The following CARS1 variants were observed in gnomAD, a reference collection of about 807,000 sequenced individuals.
CARS1 encodes the protein cysteinyl-tRNA synthetase 1.
CARS1 carries 48 observed loss-of-function variants against 106.2 expected under a neutral mutation model. That is an observed-to-expected ratio of 0.45 (90% CI 0.36 to 0.57). CARS1 has a LOEUF of 0.57. Among genes scored for constraint, CARS1 ranks in the 20% least tolerant of loss-of-function variants. The pLI is 0.00. For synonymous variants in CARS1, 409 were observed against 403.4 expected, an observed-to-expected ratio of 1.01 and a Z score of -0.17; for missense variants, 968 against 1,057.2, an observed-to-expected ratio of 0.92 and a Z score of 1.17.
At position 3,018,434 on chromosome 11, in the gene CARS1, C is replaced by G; in HGVS notation, c.1603G>C (p.Ala535Pro). 1.2e-6 allele frequency: 2 copies of G among 1,613,816 alleles called. No homozygotes were observed. The highest frequency in any genetic ancestry group is 1.1e-5 in the South Asian group (1 of 91,080). The change falls in exon 14 of 23, where the codon GCG becomes CCG. Residue 535 changes from alanine to proline, a missense_variant. Coordinates refer to ENST00000380525, the MANE Select transcript of CARS1 (RefSeq NM_001014437.3). ...LDYSSNTMESALQYEKFLNEF... is the reference protein window; with the variant it reads ...LDYSSNTMESPLQYEKFLNEF... ...TTCAAGAACTTCTCATATTGAAGCG[C>G]TGACTCCATGGTGTTGCTGGAGTAG...
chr11:3,032,606 T>G (rs976694802), intron 7 of CARS1, among the ~76,000 whole-genome samples: 1 of 152,020 alleles, frequency 6.6e-6, no homozygotes, highest in East Asian at 1.9e-4. Flanking sequence ...TGCATTTTGG[T>G]GATCAGAGGT....
At chr11:3,016,766 C>A (rs963732768) in intron 16 of CARS1, among the ~76,000 whole-genome samples, 2 of 152,088 alleles carry the variant, frequency 1.3e-5, no homozygotes, top group Admixed American at 6.6e-5. Flanking sequence ...GTGTGTGCCA[C>A]CACACCTGGC....
chr11:3,007,070 C>T (rs1565017154), intron 18 of CARS1, 111 bp from the exon 19 acceptor site: 1 of 893,024 alleles, frequency 1.1e-6, no homozygotes, highest in Non-Finnish European at 1.8e-6. Flanking sequence ...GAACAAGTGC[C>T]TCCTCCAGTG....
rs1298083528 is a variant in CARS1, at chr11:3,045,682, G to A, written c.274+2071C>T. 1.3e-5 allele frequency among the ~76,000 whole-genome samples: 2 copies of A among 152,218 alleles called. No homozygotes were observed. Among genetic ancestry groups the A allele is most frequent in the Non-Finnish European group, 2.9e-5 (2 of 68,042 alleles). On this transcript the variant is annotated intron_variant, in intron 2 of 22. Transcript: ENST00000380525. The surrounding 1 kb of genome is among the most constrained non-coding windows in gnomAD (Gnocchi z 5.6). ...GACACAGGCACATCTGATGCTGCTG[G>A]GATGTCCAACAGAGGTGGAAGGGCG...
intron 18 of CARS1, chr11:3,007,260 C>A: frequency 2.3e-6 from 1 of 432,048 alleles, no homozygotes; most frequent in Non-Finnish European, 4.1e-6. Context: ...CCGCCGGAAG[C>A]AGTTCTTCCA....
rs1855294520 is a variant in CARS1, at chr11:3,048,068, AG to A, written c.26-68del. ...GCAGCCCAGAGGCCGCCAGAAAGAC[AG>A]GGACTAGGGGATGGCACAGAACCAA... On this transcript the variant is annotated intron_variant, in intron 1 of 22. Coordinates refer to ENST00000380525, the MANE Select transcript of CARS1 (RefSeq NM_001014437.3). This position sits in a 1 kb window ranked among gnomAD's most constrained non-coding sequence, Gnocchi z 5.1. The A allele has an allele frequency of 6.4e-7, 1 of 1,573,124 alleles. No individual in the cohort carries two copies. Among genetic ancestry groups the A allele is most frequent in the Non-Finnish European group, 8.7e-7 (1 of 1,155,568 alleles).
At position 3,030,243 on chromosome 11, in the gene CARS1, A is replaced by T. The variant is rs1323664488; in HGVS notation, c.802-800T>A. 1 of 152,304 alleles carries T rather than the reference A, an allele frequency of 6.6e-6. No individual in the cohort carries two copies. Among genetic ancestry groups the T allele is most frequent in the Non-Finnish European group, 1.5e-5 (1 of 68,134 alleles). 9.4% of individuals were successfully genotyped at this position (152,304 alleles called of 1,614,324 possible). ...AGTGTAGGAAAATGGCCTGGCAGAC[A>T]GCAAGGACACAGGGTGGACAAAGCC... is the stretch of plus-strand genomic sequence containing the variant. On this transcript the variant is annotated intron_variant, in intron 7 of 22. Coordinates refer to ENST00000380525, the MANE Select transcript of CARS1 (RefSeq NM_001014437.3). The surrounding 1 kb of genome is among the most constrained non-coding windows in gnomAD (Gnocchi z 5.7).
In CARS1 at chr11:3,022,042, A is replaced by G. The variant is rs1185043625; in HGVS notation, c.1154-1710T>C. 6.6e-6 allele frequency among the ~76,000 whole-genome samples: 1 copy of G among 152,184 alleles called. No homozygotes were observed. Among genetic ancestry groups the G allele is most frequent in the Non-Finnish European group, 1.5e-5 (1 of 68,028 alleles). On this transcript the variant is annotated intron_variant, in intron 10 of 22. Transcript: ENST00000380525. The surrounding 1 kb of genome is among the most constrained non-coding windows in gnomAD (Gnocchi z 4.9). ...TATCCTTCAGCAAACATCACACTGC[A>G]ACTGCCCTCATAGGGTTAATGAGAA...
rs1028319169 is a variant in CARS1, at chr11:3,030,870, C to T, written c.802-1427G>A. 6.6e-6 allele frequency: 1 copy of T among 152,198 alleles called. No individual in the cohort carries two copies. The allele number at this position is 152,198 out of a possible 1,614,324, so 9.4% of individuals were successfully genotyped here. A position where few individuals can be genotyped will look rare whatever the true frequency, so the allele number is the denominator to read the frequency against. Reference sequence around the variant, plus strand: ...TATTAACAGGCGAAACAGTCTTATCCATCCTACTGAGTGACTGTTTCACTT... The same window carrying T: ...TATTAACAGGCGAAACAGTCTTATCTATCCTACTGAGTGACTGTTTCACTT... On this transcript the variant is annotated intron_variant, in intron 7 of 22. Transcript: ENST00000380525. The surrounding 1 kb of genome is among the most constrained non-coding windows in gnomAD (Gnocchi z 5.7).
Position 3,026,981 on chromosome 11 carries a change from C to T in CARS1, c.1032-184G>A, listed in dbSNP as rs563225667. The T allele has an allele frequency of 6.9e-5, 44 of 640,806 alleles. 1 individual carries two copies. The highest frequency in any genetic ancestry group is 1.0e-4 in the Non-Finnish European group (41 of 398,100). The allele number at this position is 640,806 out of a possible 1,614,324, so 39.7% of individuals were successfully genotyped here. A position where few individuals can be genotyped will look rare whatever the true frequency, so the allele number is the denominator to read the frequency against. ...CTGAGTGGGACACCAGGGCCCATCC[C>T]GCTGCGGAGGCAGCCTGCCTGCCCT... is the stretch of plus-strand genomic sequence containing the variant. On this transcript the variant is annotated intron_variant, in intron 9 of 22. Coordinates refer to ENST00000380525, the MANE Select transcript of CARS1 (RefSeq NM_001014437.3).
At chr11:3,032,843 G>C (rs533343040) in intron 7 of CARS1, among the ~76,000 whole-genome samples, 1 of 151,090 alleles carries the variant, frequency 6.6e-6, no homozygotes, top group African/African-American at 2.4e-5. Flanking sequence ...GATAGTATTT[G>C]TCCAAACCCA....
At position 3,003,836 on chromosome 11, in the gene CARS1, T is replaced by C. The variant is rs1849614728; in HGVS notation, c.2218-1236A>G. Among the ~76,000 whole-genome samples, 1 of 152,062 alleles carries C rather than the reference T, an allele frequency of 6.6e-6. No individual in the cohort carries two copies. Among genetic ancestry groups the C allele is most frequent in the African/African-American group, 2.4e-5 (1 of 41,396 alleles). On this transcript the variant is annotated intron_variant, in intron 20 of 22. Transcript: ENST00000380525. This position sits in a 1 kb window ranked among gnomAD's most constrained non-coding sequence, Gnocchi z 4.8. The stretch of plus-strand genomic sequence containing the variant: ...GGCAGGACCCCTCCCCCATGGTGCC[T>C]CGGGCCTGGGGATGCCTTCTTGCAG...
rs1853765131 is a variant in CARS1, at chr11:3,037,216, CGT to C, written c.801+832_801+833del. ...CACACTGACGACTACATACACGTGG[CGT>C]GTTTCCGTGAAGTTTGGAAACAGGC... On this transcript the variant is annotated intron_variant, in intron 7 of 22. Transcript: ENST00000380525. The surrounding 1 kb of genome is among the most constrained non-coding windows in gnomAD (Gnocchi z 5.9). Among the ~76,000 whole-genome samples the C allele has an allele frequency of 6.6e-6, 1 of 152,164 alleles. No homozygotes were observed. Among genetic ancestry groups the C allele is most frequent in the African/African-American group, 2.4e-5 (1 of 41,430 alleles).
In CARS1 at chr11:3,040,784, C is replaced by G. The variant is rs976576163; in HGVS notation, c.455+112G>C. 9 of 1,100,948 alleles carry G rather than the reference C, an allele frequency of 8.2e-6. No individual in the cohort carries two copies. Among genetic ancestry groups the G allele is most frequent in the Non-Finnish European group, 1.2e-5 (9 of 749,932 alleles). 68.2% of individuals were successfully genotyped at this position (1,100,948 alleles called of 1,614,324 possible). A position where few individuals can be genotyped will look rare whatever the true frequency, so the allele number is the denominator to read the frequency against. On this transcript the variant is annotated intron_variant, in intron 4 of 22. Transcript: ENST00000380525. The surrounding 1 kb of genome is among the most constrained non-coding windows in gnomAD (Gnocchi z 5.8). ...TCTTGATTCCTCAAATCTCAGGTCT[C>G]TGTAGCAGATCTAAGATCTTTGTGG...
chr11:3,012,150 G>A (rs373952687), intron 18 of CARS1, 45 bp downstream of exon 18: 25 of 1,542,614 alleles, frequency 1.6e-5, no homozygotes, highest in Admixed American at 1.3e-4. Flanking sequence ...GGGGAGCCCA[G>A]TGAGGGGAGT....
rs1318671625 is a variant in CARS1, at chr11:3,047,657, T to C, written c.274+96A>G. ...CACTTGGGCGAGGCTCCCTCTGGGG[T>C]ATCCGCAGACGCCAGGTAAGCACCA... is the stretch of plus-strand genomic sequence containing the variant. On this transcript the variant is annotated intron_variant, in intron 2 of 22. Coordinates refer to ENST00000380525, the MANE Select transcript of CARS1 (RefSeq NM_001014437.3). The C allele has an allele frequency of 1.4e-5, 20 of 1,475,290 alleles. No individual in the cohort carries two copies. The East Asian group carries it at 2.8e-4, about 20-fold the overall frequency. 91.4% of individuals were successfully genotyped at this position (1,475,290 alleles called of 1,614,324 possible).
At chr11:3,016,609 G>A (rs1373914696) in intron 16 of CARS1, among the ~76,000 whole-genome samples, 6 of 152,114 alleles carry the variant, frequency 3.9e-5, no homozygotes, top group Non-Finnish European at 5.9e-5. Context: ...CAACTATATG[G>A]ATGTTACTTA....
At position 3,039,056 on chromosome 11, in the gene CARS1, CCT is replaced by C. The variant is rs1352315631; in HGVS notation, c.651+136_651+137del. The C allele has an allele frequency of 3.4e-6, 2 of 590,512 alleles. No homozygotes were observed. Among genetic ancestry groups the C allele is most frequent in the Non-Finnish European group, 6.0e-6 (2 of 334,088 alleles). The allele number at this position is 590,512 out of a possible 1,614,324, so 36.6% of individuals were successfully genotyped here. On this transcript the variant is annotated intron_variant, in intron 6 of 22. Transcript: ENST00000380525. The surrounding 1 kb of genome is among the most constrained non-coding windows in gnomAD (Gnocchi z 5.6). Reference sequence around the variant, plus strand: ...CCTTACCTATGGAGACTTCAGCGCCCCTGACGGAACTGGCTTGAGTAACATAC... The same window carrying C: ...CCTTACCTATGGAGACTTCAGCGCCCGACGGAACTGGCTTGAGTAACATAC...
chr11:3,029,795 CA>C lies in CARS1; in HGVS notation c.802-353del. ...TGGGCAGAGGCTGGGCAGGAGCACACAGTGTGTCACCTACAGCACAACCCCT... is the reference window on the plus strand; with the variant it reads ...TGGGCAGAGGCTGGGCAGGAGCACACGTGTGTCACCTACAGCACAACCCCT... On this transcript the variant is annotated intron_variant, in intron 7 of 22. Coordinates refer to ENST00000380525, the MANE Select transcript of CARS1 (RefSeq NM_001014437.3). This position sits in a 1 kb window ranked among gnomAD's most constrained non-coding sequence, Gnocchi z 5.9. 1 of 279,896 alleles carries C rather than the reference CA, an allele frequency of 3.6e-6. No individual in the cohort carries two copies. Among genetic ancestry groups the C allele is most frequent in the Non-Finnish European group, 6.8e-6 (1 of 148,102 alleles). 17.3% of individuals were successfully genotyped at this position (279,896 alleles called of 1,614,324 possible). A position where few individuals can be genotyped will look rare whatever the true frequency, so the allele number is the denominator to read the frequency against.
Sources: gnomAD v4.1 joint callset for allele counts (sites outside exome capture counted in the v4.1 genomes callset) on GRCh38, gnomAD v4.1.1 for gene constraint, Gnocchi (gnomAD v3.1) non-coding constraint, MANE v1.5 for transcripts, NCBI Gene and HGNC (gene_info 2026-07-23, HGNC 2026-07-21) for gene names.